Variants in CHODL observed in about 807,000 individuals in gnomAD.
The protein encoded by CHODL is transmembrane protein MT75.
A neutral mutation model predicts 34.5 loss-of-function variants in CHODL; 29 were observed. The observed-to-expected ratio is 0.84, with a 90% CI of 0.63 to 1.15. The LOEUF is 1.15. Among genes scored for constraint, CHODL ranks in the 50% most tolerant of loss-of-function variants. CHODL has a pLI of 0.00. For synonymous variants in CHODL, 125 were observed against 116.1 expected, an observed-to-expected ratio of 1.08 and a Z score of -0.49; for missense variants, 332 against 332.5, an observed-to-expected ratio of 1.00 and a Z score of 0.01.
chr21:18,090,386 G>A (rs2065058113), intron 2 of CHODL, among the ~76,000 whole-genome samples: 1 of 151,942 alleles, frequency 6.6e-6, no homozygotes, highest in African/African-American at 2.4e-5. Context: ...GCCCTGCCAG[G>A]GTGCTAAAAA....
In CHODL at chr21:18,260,349, A is replaced by G; in HGVS notation, c.634+63A>G. On this transcript the variant is annotated intron_variant, in intron 4 of 5. Transcript: ENST00000299295. ...GAACTGTACTTTCAAACGCTGCTTC[A>G]TGTTGACCCCAGTGAAACTTGTCTT... 5.8e-6 allele frequency: 6 copies of G among 1,035,700 alleles called. No homozygotes were observed. The South Asian group carries it at 6.0e-5, about 10-fold the overall frequency. 64.2% of individuals were successfully genotyped at this position (1,035,700 alleles called of 1,614,324 possible). A position where few individuals can be genotyped will look rare whatever the true frequency, so the allele number is the denominator to read the frequency against.
chr21:18,055,271 C>T (rs933314782), intron 2 of CHODL, among the ~76,000 whole-genome samples: 1 of 151,902 alleles, frequency 6.6e-6, no homozygotes, highest in Non-Finnish European at 1.5e-5. Flanking sequence ...CAAAATGAAC[C>T]CACCCTTATG....
chr21:18,221,836 C>T (rs117671482), intron 2 of CHODL, among the ~76,000 whole-genome samples: 1 of 152,326 alleles, frequency 6.6e-6, no homozygotes, highest in East Asian at 1.9e-4. Flanking sequence ...GGTGCACAGA[C>T]ACCATTAGGG....
intron 2 of CHODL, among the ~76,000 whole-genome samples, chr21:18,064,626 G>T (rs1026871079): frequency 2.6e-5 from 4 of 152,086 alleles, no homozygotes; most frequent in African/African-American, 9.7e-5. Context: ...CAGTTTCTCA[G>T]GCCCTTGGAC....
intron 2 of CHODL, among the ~76,000 whole-genome samples, chr21:18,059,700 G>A (rs199564150): frequency 6.6e-6 from 1 of 152,008 alleles, no homozygotes; most frequent in Non-Finnish European, 1.5e-5. Context: ...ACGTGTCTGT[G>A]TATTCTCATC....
intron 2 of CHODL, among the ~76,000 whole-genome samples, chr21:18,200,745 T>C (rs2073641880): frequency 6.6e-6 from 1 of 152,182 alleles, no homozygotes; most frequent in Admixed American, 6.5e-5. Flanking sequence ...GGAAATAGTG[T>C]CTTTGAAATT....
intron 1 of CHODL, among the ~76,000 whole-genome samples, 181 bp downstream of exon 1, chr21:18,245,483 A>G (rs1272300964): frequency 1.3e-5 from 2 of 152,152 alleles, no homozygotes; most frequent in East Asian, 3.9e-4. Context: ...TCTAACACAC[A>G]CGCAGAAAAG....
At chr21:18,012,149 A>G (rs1478365656) in intron 1 of CHODL, among the ~76,000 whole-genome samples, 1 of 152,232 alleles carries the variant, frequency 6.6e-6, no homozygotes, top group Non-Finnish European at 1.5e-5. Context: ...GTGGATGGGC[A>G]TTTGAAGGCT....
At chr21:18,193,697 G>GAAA (rs1015005875) in intron 2 of CHODL, among the ~76,000 whole-genome samples, 3 of 74,212 alleles carry the variant, frequency 4.0e-5, no homozygotes, top group African/African-American at 8.8e-5. Context: ...CTCTGTCTCA[G>GAAA]AAAAAAAAAA....
chr21:18,072,797 C>T (rs926771287), intron 2 of CHODL, among the ~76,000 whole-genome samples: 3 of 152,074 alleles, frequency 2.0e-5, no homozygotes, highest in East Asian at 3.9e-4. Context: ...TGCCACCTCA[C>T]CTGAGGGTGG....
chr21:17,998,368 G>A (rs543949610), intron 1 of CHODL, among the ~76,000 whole-genome samples: 1 of 152,258 alleles, frequency 6.6e-6, no homozygotes, highest in South Asian at 2.1e-4. Context: ...GCTTTTCCAG[G>A]TGTATGGTGC....
intron 2 of CHODL, among the ~76,000 whole-genome samples, chr21:18,183,918 A>T (rs1601117624): frequency 6.6e-6 from 1 of 152,136 alleles, no homozygotes; most frequent in South Asian, 2.1e-4. Flanking sequence ...TGAAAGTCTG[A>T]TTGTTTTTTA....
intron 1 of CHODL, among the ~76,000 whole-genome samples, chr21:18,025,288 T>G (rs2064163834): frequency 1.3e-5 from 2 of 152,218 alleles, no homozygotes; most frequent in Admixed American, 6.5e-5. Context: ...CCTTATATAT[T>G]AAACACATTA....
chr21:18,012,807 G>T (rs562260433), intron 1 of CHODL, among the ~76,000 whole-genome samples: 1 of 152,068 alleles, frequency 6.6e-6, no homozygotes, highest in African/African-American at 2.4e-5. Context: ...TGAAATATAT[G>T]GTGAAAATAC....
chr21:18,202,521 G>A (rs2073666390), intron 2 of CHODL, among the ~76,000 whole-genome samples: 1 of 152,184 alleles, frequency 6.6e-6, no homozygotes, highest in Non-Finnish European at 1.5e-5. Context: ...TAGAAAGAAG[G>A]TGGCTGTCTA....
chr21:17,958,134 G>C (rs866849845), intron 1 of CHODL, among the ~76,000 whole-genome samples: 12 of 151,870 alleles, frequency 7.9e-5, no homozygotes, highest in African/African-American at 2.9e-4. Flanking sequence ...TTGTTTCCTT[G>C]GTCAAGATGA....
intron 2 of CHODL, among the ~76,000 whole-genome samples, chr21:18,158,820 G>A (rs138175006): frequency 0.02 from 2,675 of 133,082 alleles, 70 homozygotes; most frequent in African/African-American, 0.071. Context: ...CCTGGGCAAC[G>A]AGAGTGAAAC....
At chr21:18,265,868 T>A (rs1300151789) in intron 5 of CHODL, 86 bp from the exon 6 acceptor site, 4 of 1,038,654 alleles carry the variant, frequency 3.9e-6, no homozygotes, top group Non-Finnish European at 5.6e-6. Flanking sequence ...CATAAATAAC[T>A]GTCTGAGATA....
chr21:18,147,198 A>G (rs1188880686), intron 2 of CHODL, among the ~76,000 whole-genome samples: 1 of 152,236 alleles, frequency 6.6e-6, no homozygotes, highest in Non-Finnish European at 1.5e-5. Context: ...ATGGAAGAGT[A>G]CACTTGGTTA....
Sources: gnomAD v4.1 joint callset for allele counts (sites outside exome capture counted in the v4.1 genomes callset) on GRCh38, gnomAD v4.1.1 for gene constraint, MANE v1.5 for transcripts, NCBI Gene and HGNC (gene_info 2026-07-23, HGNC 2026-07-21) for gene names.